Variants in LY86 observed in about 807,000 individuals in gnomAD.
LY86 encodes the protein MD-1, RP105-associated.
Under a neutral mutation model 17.3 loss-of-function variants are expected in LY86, and 20 were observed. The observed-to-expected ratio is 1.15, with a 90% confidence interval of 0.81 to 1.68. The LOEUF is 1.68. LY86 is among the 40% of genes most tolerant of loss of function. The probability of loss-of-function intolerance (pLI) is 0.00; values close to 1 mark genes in which losing one functional copy is unlikely to be tolerated. For synonymous variants in LY86, 74 were observed against 70.6 expected (o/e 1.05, Z -0.24); for missense variants, 200 against 191.9 (o/e 1.04, Z -0.25).
intron 1 of LY86, among the ~76,000 whole-genome samples, chr6:6,609,336 T>C (rs1414728477): frequency 6.6e-6 from 1 of 152,212 alleles, no homozygotes; most frequent in Non-Finnish European, 1.5e-5. Context: ...GCTTTGGGAA[T>C]GAAGAATTTG....
chr6:6,628,560 C>G (rs369892434), intron 3 of LY86, among the ~76,000 whole-genome samples: 5 of 151,990 alleles, frequency 3.3e-5, no homozygotes, highest in African/African-American at 4.8e-5. Context: ...CTGTCTCTCT[C>G]TCTGTCTCTC....
intron 3 of LY86, among the ~76,000 whole-genome samples, chr6:6,648,425 T>C (rs531989315): frequency 4.6e-5 from 7 of 152,336 alleles, no homozygotes; most frequent in African/African-American, 1.7e-4. Flanking sequence ...TTCACTGTGC[T>C]TCAGCAGACT....
intron 1 of LY86, among the ~76,000 whole-genome samples, chr6:6,591,760 T>C (rs1418482458): frequency 1.3e-5 from 2 of 152,224 alleles, no homozygotes; most frequent in African/African-American, 4.8e-5. Context: ...CCAGCCTGCC[T>C]GACTCCAGAA....
At chr6:6,603,593 AAAACAGAAACAG>A (rs780689563) in intron 1 of LY86, among the ~76,000 whole-genome samples, 9,852 of 90,356 alleles carry the variant, frequency 0.11, 784 homozygotes, top group Middle Eastern at 0.2. Flanking sequence ...GCCAAAAACA[AAAACAGAAACAG>A]AAAAAAAAAC....
chr6:6,618,105 T>G (rs1324478876), intron 1 of LY86, among the ~76,000 whole-genome samples: 1 of 152,218 alleles, frequency 6.6e-6, no homozygotes, highest in East Asian at 1.9e-4. Context: ...CCTCCCAAAG[T>G]GCTGGGATTA....
intron 1 of LY86, among the ~76,000 whole-genome samples, chr6:6,612,107 A>C (rs1367461765): frequency 6.6e-6 from 1 of 152,218 alleles, no homozygotes; most frequent in African/African-American, 2.4e-5. Context: ...AAGCAAGCTG[A>C]TTATTTCCAA....
rs542816373 is a variant in LY86, at chr6:6,654,939, A to C, written c.*312A>C. On this transcript the variant is annotated 3_prime_UTR_variant, in exon 5 of 5. Transcript: ENST00000230568. ...CTCACCTGCTTTTCAACTTTTTAGG[A>C]GTGCTTCCTCACAGTTACCAAGAAT... 6.6e-5 allele frequency: 21 copies of C among 316,972 alleles called. No homozygotes were observed. The East Asian group carries it at 1.1e-3, about 16-fold the overall frequency. 19.6% of individuals were successfully genotyped at this position (316,972 alleles called of 1,614,324 possible).
At chr6:6,595,722 T>C (rs1760691921) in intron 1 of LY86, among the ~76,000 whole-genome samples, 1 of 152,164 alleles carries the variant, frequency 6.6e-6, no homozygotes, top group Non-Finnish European at 1.5e-5. Context: ...AAGAAGTATA[T>C]GTAGGGCCAC....
intron 1 of LY86, among the ~76,000 whole-genome samples, chr6:6,613,971 A>T (rs114756481): frequency 0.012 from 1,769 of 152,358 alleles, 31 homozygotes; most frequent in African/African-American, 0.039. Context: ...TCAAATTCTG[A>T]TGGAGATATT....
chr6:6,605,689 C>T (rs1761099002), intron 1 of LY86, among the ~76,000 whole-genome samples: 1 of 152,242 alleles, frequency 6.6e-6, no homozygotes, highest in Non-Finnish European at 1.5e-5. Context: ...ATCTCACGGA[C>T]TTAAAGAATG....
chr6:6,600,626 A>T (rs1418452554), intron 1 of LY86, among the ~76,000 whole-genome samples: 9 of 119,322 alleles, frequency 7.5e-5, no homozygotes, highest in African/African-American at 2.9e-4. Context: ...AAAAAAAAAA[A>T]AAGAAAATAT....
chr6:6,616,882 C>T (rs1016808449), intron 1 of LY86, among the ~76,000 whole-genome samples: 2 of 152,222 alleles, frequency 1.3e-5, no homozygotes, highest in Admixed American at 1.3e-4. Context: ...CAGACAAATG[C>T]GTAAGAACCG....
chr6:6,612,521 G>C (rs905437502), intron 1 of LY86, among the ~76,000 whole-genome samples: 16 of 149,486 alleles, frequency 1.1e-4, no homozygotes, highest in East Asian at 7.9e-4. Context: ...AAAAGCAAAA[G>C]AACAAACCAA....
At chr6:6,591,599 T>C (rs931662078) in intron 1 of LY86, 1 of 153,484 alleles carries the variant, frequency 6.5e-6, no homozygotes, top group African/African-American at 2.4e-5. Flanking sequence ...ATCATTCTTA[T>C]GTTGCAGATG....
intron 3 of LY86, among the ~76,000 whole-genome samples, chr6:6,642,485 A>T (rs1167517975): frequency 6.6e-6 from 1 of 152,172 alleles, no homozygotes; most frequent in African/African-American, 2.4e-5. Flanking sequence ...CTTGGAGCTT[A>T]CCTACCCACA....
intron 3 of LY86, among the ~76,000 whole-genome samples, chr6:6,629,086 C>T (rs982262872): frequency 2.6e-5 from 4 of 152,150 alleles, no homozygotes; most frequent in African/African-American, 9.7e-5. Flanking sequence ...CTGACATTTG[C>T]CTTATTTGAA....
At chr6:6,595,054 G>C (rs917879084) in intron 1 of LY86, among the ~76,000 whole-genome samples, 3 of 151,982 alleles carry the variant, frequency 2.0e-5, no homozygotes, top group African/African-American at 7.3e-5. Flanking sequence ...GGGTAAAAAA[G>C]TGAAAACGCC....
At chr6:6,613,962 C>T (rs867769574) in intron 1 of LY86, among the ~76,000 whole-genome samples, 1 of 152,344 alleles carries the variant, frequency 6.6e-6, no homozygotes, top group African/African-American at 2.4e-5. Context: ...AGCTCATTCT[C>T]AAATTCTGAT....
At position 6,588,750 on chromosome 6, in the gene LY86, G is replaced by A. The variant is rs756031529; in HGVS notation, c.16G>A (p.Ala6Thr). Residue 6 changes from alanine (A) to threonine (T), a missense_variant, in exon 1 of 5, where the codon GCC becomes ACC. Ala to Thr is a moderately conservative substitution (Grantham distance 58, BLOSUM62 0). Coordinates refer to ENST00000230568, the MANE Select transcript of LY86 (RefSeq NM_004271.4). ...GGCCCCCACCATGAAGGGTTTCACA[G>A]CCACTCTCTTCCTCTGGACTCTGAT... MKGFT[A>T]TLFLWTLIFP... The A allele has an allele frequency of 6.2e-7, 1 of 1,614,176 alleles. No homozygotes were observed. The highest frequency in any genetic ancestry group is 1.7e-5 in the Admixed American group (1 of 60,026).
Sources: allele counts gnomAD v4.1 joint callset (sites outside exome capture counted in the v4.1 genomes callset), GRCh38; gene constraint gnomAD v4.1.1; transcripts MANE v1.5; gene names NCBI Gene and HGNC (gene_info 2026-07-23, HGNC 2026-07-21).